FUT2: variants seen among roughly 807,000 people sequenced by gnomAD.
The protein encoded by FUT2 is fucosyltransferase 2 (H blood group), also known as galactoside alpha-(1,2)-fucosyltransferase 2.
For synonymous variants in FUT2, 182 were observed against 193.1 expected (o/e 0.94, Z 0.48); for missense variants, 419 against 465.8 (o/e 0.90, Z 0.93).
In FUT2 at chr19:48,703,760, G is replaced by A. The variant is rs142741127; in HGVS notation, c.804G>A (p.Glu268=). Residue 268 remains glutamate (E), a synonymous_variant, in exon 2 of 2, where the codon GAG becomes GAA. Transcript: ENST00000425340. Reference sequence around the variant, plus strand: ...TGGTGTTTGCTGGCGATGGCATTGAGGGCTCACCTGCCAAAGATTTTGCTC... The same window carrying A: ...TGGTGTTTGCTGGCGATGGCATTGAAGGCTCACCTGCCAAAGATTTTGCTC... ...GDVVFAGDGI[E]GSPAKDFALL... The A allele has an allele frequency of 7.9e-5, 128 of 1,613,468 alleles. No individual in the cohort carries two copies. The African/African-American group carries it at 1.2e-3, about 15-fold the overall frequency.
intron 1 of FUT2, among the ~76,000 whole-genome samples, chr19:48,697,391 T>C (rs2032434439): frequency 6.8e-6 from 1 of 146,900 alleles, no homozygotes; most frequent in Non-Finnish European, 1.5e-5. Flanking sequence ...AGACCAGGTG[T>C]GGTGTCTCAT....
chr19:48,703,264 T>C lies in FUT2; in HGVS notation c.308T>C (p.Leu103Pro), dbSNP rs771555785. ...ATCCCGGCCCAGATGCACAGCACCC[T>C]GGCCCCCATCTTCAGAATCACCCTG... ...AFIPAQMHST[L>P]APIFRITLPV... Residue 103 changes from leucine (L) to proline (P), a missense_variant, in exon 2 of 2, where the codon CTG becomes CCG. By Grantham distance (98) the Leu-to-Pro change is moderately conservative. Coordinates refer to ENST00000425340, the MANE Select transcript of FUT2 (RefSeq NM_000511.6). The C allele has an allele frequency of 2.2e-5, 36 of 1,612,958 alleles. No homozygotes were observed. The highest frequency in any genetic ancestry group is 2.7e-5 in the Non-Finnish European group (32 of 1,180,014).
intron 1 of FUT2, among the ~76,000 whole-genome samples, chr19:48,701,056 G>A (rs1160229520): frequency 6.6e-6 from 1 of 152,014 alleles, no homozygotes; most frequent in Admixed American, 6.5e-5. Context: ...TGGTCAAGAA[G>A]GTAAGCGGGG....
chr19:48,705,655 C>T lies in FUT2; in HGVS notation c.*1667C>T, dbSNP rs1025763227. 1 of 167,092 alleles carries T rather than the reference C, an allele frequency of 6.0e-6. No homozygotes were observed. The highest frequency in any genetic ancestry group is 1.5e-5 in the Non-Finnish European group (1 of 68,136). 10.4% of individuals were successfully genotyped at this position (167,092 alleles called of 1,614,324 possible). A position where few individuals can be genotyped will look rare whatever the true frequency, so the allele number is the denominator to read the frequency against. On this transcript the variant is annotated 3_prime_UTR_variant, in exon 2 of 2. Coordinates refer to ENST00000425340, the MANE Select transcript of FUT2 (RefSeq NM_000511.6). ...TGCAGCACATGTGTTACATGTCAGGCAGTGAAACCCCCCACAGCAGCCTTC... is the reference window on the plus strand; with the variant it reads ...TGCAGCACATGTGTTACATGTCAGGTAGTGAAACCCCCCACAGCAGCCTTC...
At chr19:48,698,196 G>A (rs973415020) in intron 1 of FUT2, among the ~76,000 whole-genome samples, 1 of 151,860 alleles carries the variant, frequency 6.6e-6, no homozygotes, top group Non-Finnish European at 1.5e-5. Flanking sequence ...GCACATAAAA[G>A]GTTCCTGATC....
At chr19:48,697,993 CTTTTTTTTTT>C (rs1023815002) in intron 1 of FUT2, among the ~76,000 whole-genome samples, 3 of 88,132 alleles carry the variant, frequency 3.4e-5, no homozygotes, top group East Asian at 6.6e-4. Flanking sequence ...TGCACTGGCT[CTTTTTTTTTT>C]TTTTTTTTTT....
rs377331559 is a variant in FUT2, at chr19:48,703,856, C to T, written c.900C>T (p.Gly300=). 50 of 1,613,514 alleles carry T rather than the reference C, an allele frequency of 3.1e-5. No individual in the cohort carries two copies. Among genetic ancestry groups the T allele is most frequent in the Middle Eastern group, 1.6e-4 (1 of 6,084 alleles). Residue 300 remains glycine (G), a synonymous_variant, in exon 2 of 2, where the codon GGC becomes GGT. Coordinates refer to ENST00000425340, the MANE Select transcript of FUT2 (RefSeq NM_000511.6). ...GGATCTGGGCCGCATACCTCACGGG[C>T]GGAGACACCATCTACCTGGCCAATT... ...TFGIWAAYLT[G]GDTIYLANYT... is the part of the protein sequence containing the mutation.
chr19:48,702,993 G>A lies in FUT2; in HGVS notation c.37G>A (p.Ala13Thr), dbSNP rs532291838. ...VVQMPFSFPM[A>T]HFILFVFTVS... ...TCAGATGCCTTTCTCCTTTCCCATG[G>A]CCCACTTCATCCTCTTTGTCTTTAC... is the stretch of plus-strand genomic sequence containing the variant. Residue 13 changes from alanine to threonine, a missense_variant, in exon 2 of 2, where the codon GCC becomes ACC. Ala to Thr is a moderately conservative substitution (Grantham distance 58). Transcript: ENST00000425340. 61 of 1,612,974 alleles carry A rather than the reference G, an allele frequency of 3.8e-5. 1 individual carries two copies. In the South Asian group the frequency reaches 4.9e-4, roughly 13 times the overall value.
At chr19:48,700,538 A>G (rs1007534733) in intron 1 of FUT2, among the ~76,000 whole-genome samples, 38 of 151,792 alleles carry the variant, frequency 2.5e-4, no homozygotes, top group Admixed American at 6.6e-4. Flanking sequence ...TCACCGTGTT[A>G]GCCAGGATGG....
intron 1 of FUT2, among the ~76,000 whole-genome samples, chr19:48,699,741 GC>G (rs1457233050): frequency 6.6e-6 from 1 of 152,164 alleles, no homozygotes; most frequent in East Asian, 1.9e-4. Flanking sequence ...TCTGAAATTG[GC>G]CAGAGCTTGT....
rs2032543384 is a variant in FUT2, at chr19:48,702,974, G to A, written c.18G>A (p.Met6Ile). The A allele has an allele frequency of 6.2e-7, 1 of 1,613,176 alleles. No individual in the cohort carries two copies. Among genetic ancestry groups the A allele is most frequent in the Non-Finnish European group, 8.5e-7 (1 of 1,180,032 alleles). Reference protein sequence around the residue: MLVVQMPFSFPMAHFI... With the variant: MLVVQIPFSFPMAHFI... ...TGACAGCCATGCTGGTCGTTCAGATGCCTTTCTCCTTTCCCATGGCCCACT... is the reference window on the plus strand; with the variant it reads ...TGACAGCCATGCTGGTCGTTCAGATACCTTTCTCCTTTCCCATGGCCCACT... The change falls in exon 2 of 2, where the codon ATG (methionine) becomes ATA (isoleucine). Residue 6 changes from methionine (M) to isoleucine (I), a missense_variant. Transcript: ENST00000425340.
In FUT2 at chr19:48,703,080, C is replaced by A. The variant is rs2032547170; in HGVS notation, c.124C>A (p.Pro42Thr). The A allele has an allele frequency of 6.2e-7, 1 of 1,613,306 alleles. No individual in the cohort carries two copies. The highest frequency in any genetic ancestry group is 1.1e-5 in the South Asian group (1 of 90,662). ...LAKIQAMWEL[P>T]VQIPVLASTS... The stretch of plus-strand genomic sequence containing the variant: ...GAAGATTCAAGCCATGTGGGAGTTA[C>A]CGGTGCAGATACCAGTGCTAGCCTC... Residue 42 changes from proline (P) to threonine (T), a missense_variant, in exon 2 of 2, where the codon CCG becomes ACG. Physicochemically the swap from Pro to Thr is conservative, Grantham distance 38. Transcript: ENST00000425340.
chr19:48,697,719 A>G (rs1352932108), intron 1 of FUT2, among the ~76,000 whole-genome samples: 1 of 151,610 alleles, frequency 6.6e-6, no homozygotes, highest in Non-Finnish European at 1.5e-5. Context: ...TTTGAGATGG[A>G]TTTTTGCTCT....
chr19:48,701,776 C>T (rs925285244), intron 1 of FUT2, among the ~76,000 whole-genome samples: 5 of 151,832 alleles, frequency 3.3e-5, no homozygotes, highest in Admixed American at 1.3e-4. Context: ...AGAAAGATCA[C>T]GAGGTCAGGA....
rs140411756 is a variant in FUT2, at chr19:48,704,421, C to CAAAA, written c.*450_*453dup. 8.2e-5 allele frequency: 9 copies of CAAAA among 109,274 alleles called. No homozygotes were observed. The highest frequency in any genetic ancestry group is 1.4e-4 in the African/African-American group (4 of 28,264). 6.8% of individuals were successfully genotyped at this position (109,274 alleles called of 1,614,324 possible). ...TGGGTGACACAGCAAGACTCCATCT[C>CAAAA]AAAAAAAAAAAAAAAAAAAAGAAAA... is the stretch of plus-strand genomic sequence containing the variant. On this transcript the variant is annotated 3_prime_UTR_variant, in exon 2 of 2. Coordinates refer to ENST00000425340, the MANE Select transcript of FUT2 (RefSeq NM_000511.6).
intron 1 of FUT2, among the ~76,000 whole-genome samples, chr19:48,699,180 A>T (rs1218059056): frequency 6.0e-5 from 9 of 149,970 alleles, no homozygotes; most frequent in Non-Finnish European, 1.3e-4. Flanking sequence ...AAACAGGGAA[A>T]CCTGGGTGGG....
Position 48,705,082 on chromosome 19 carries a change from A to T in FUT2, c.*1094A>T. On this transcript the variant is annotated 3_prime_UTR_variant, in exon 2 of 2. Coordinates refer to ENST00000425340, the MANE Select transcript of FUT2 (RefSeq NM_000511.6). ...TCCTTGGCATTGTGTCCACCCAGAGAGCTCACTGTTTTCTTTTCTTTTTCT... is the reference window on the plus strand; with the variant it reads ...TCCTTGGCATTGTGTCCACCCAGAGTGCTCACTGTTTTCTTTTCTTTTTCT... 1.4e-5 allele frequency: 4 copies of T among 296,176 alleles called. 1 individual carries two copies. The highest frequency in any genetic ancestry group is 2.6e-5 in the Non-Finnish European group (4 of 156,512). The allele number at this position is 296,176 out of a possible 1,614,324, so 18.3% of individuals were successfully genotyped here.
intron 1 of FUT2, among the ~76,000 whole-genome samples, chr19:48,701,603 A>G (rs2032518617): frequency 6.6e-6 from 1 of 152,126 alleles, no homozygotes; most frequent in South Asian, 2.1e-4. Context: ...CAGGCAGGCC[A>G]GGTGGACAAT....
intron 1 of FUT2, among the ~76,000 whole-genome samples, chr19:48,697,011 A>C (rs1232955318): frequency 6.6e-6 from 1 of 151,920 alleles, no homozygotes; most frequent in Non-Finnish European, 1.5e-5. Context: ...CGCTGGGTGT[A>C]GGGGACAGAG....
Sources: allele counts gnomAD v4.1 joint callset (sites outside exome capture counted in the v4.1 genomes callset), GRCh38; gene constraint gnomAD v4.1.1; transcripts MANE v1.5; gene names NCBI Gene and HGNC (gene_info 2026-07-23, HGNC 2026-07-21).